Variants in PDE6D observed in about 807,000 individuals in gnomAD.
PDE6D encodes phosphodiesterase 6D, also known as retinal rod rhodopsin-sensitive cGMP 3',5'-cyclic phosphodiesterase subunit delta.
A neutral mutation model predicts 21.9 loss-of-function variants in PDE6D; 10 were observed. That is an observed-to-expected ratio of 0.46 (90% CI 0.28 to 0.78). The LOEUF (loss-of-function observed/expected upper bound fraction) is 0.78, where lower values mean the gene tolerates loss of function less well. PDE6D is among the 30% of genes least tolerant of loss of function. The pLI is 0.12. For synonymous variants in PDE6D, 59 were observed against 63.5 expected, an observed-to-expected ratio of 0.93 and a Z score of 0.34; for missense variants, 139 against 184.8, an observed-to-expected ratio of 0.75 and a Z score of 1.44.
intron 4 of PDE6D, among the ~76,000 whole-genome samples, chr2:231,735,058 T>C (rs1009882333): frequency 6.1e-5 from 9 of 148,624 alleles, no homozygotes; most frequent in African/African-American, 1.7e-4. Flanking sequence ...CTGGCTAACA[T>C]GGTGAAACCC....
At chr2:231,742,708 CCAAAGAAGAGAG>C (rs2048760143) in intron 1 of PDE6D, among the ~76,000 whole-genome samples, 1 of 151,870 alleles carries the variant, frequency 6.6e-6, no homozygotes, top group Non-Finnish European at 1.5e-5. Context: ...GACTCTCTTC[CCAAAGAAGAGAG>C]TCTCTACCTT....
intron 1 of PDE6D, among the ~76,000 whole-genome samples, chr2:231,760,515 G>A (rs2048917249): frequency 1.3e-5 from 2 of 152,168 alleles, no homozygotes; most frequent in South Asian, 4.1e-4. Context: ...AGCCAGTTAA[G>A]TGGTCAAGTT....
chr2:231,773,567 A>G (rs1251358906), intron 1 of PDE6D, among the ~76,000 whole-genome samples: 1 of 152,228 alleles, frequency 6.6e-6, no homozygotes, highest in Admixed American at 6.5e-5. Context: ...AAGTGAGTAA[A>G]TAGAAGATGT....
intron 1 of PDE6D, among the ~76,000 whole-genome samples, chr2:231,744,918 TA>T (rs2048781724): frequency 6.6e-6 from 1 of 152,206 alleles, no homozygotes; most frequent in African/African-American, 2.4e-5. Flanking sequence ...ACAAGTTTTG[TA>T]AGATTTTATC....
At chr2:231,780,055 A>T (rs111259300) in intron 1 of PDE6D, among the ~76,000 whole-genome samples, 1 of 152,234 alleles carries the variant, frequency 6.6e-6, no homozygotes, top group Non-Finnish European at 1.5e-5. Flanking sequence ...TAAAGTTGGC[A>T]GGAGAATGGA....
chr2:231,776,505 G>A (rs78688524), intron 1 of PDE6D, among the ~76,000 whole-genome samples: 2,023 of 151,910 alleles, frequency 0.013, 31 homozygotes, highest in Non-Finnish European at 0.018. Flanking sequence ...ACATTAGAAG[G>A]CTATATTAAA....
rs985358003 is a variant in PDE6D at position 231,739,635 on chromosome 2, C to G, written c.51-447G>C. ...TCAAATTGCTTTGTAGTGGCCCCCTCTGTTTTTTTTTTTTGAAACAGAGTC... is the reference window on the plus strand; with the variant it reads ...TCAAATTGCTTTGTAGTGGCCCCCTGTGTTTTTTTTTTTTGAAACAGAGTC... On this transcript the variant is annotated intron_variant, in intron 1 of 4. Transcript: ENST00000287600. The surrounding 1 kb of genome is among the most constrained non-coding windows in gnomAD (Gnocchi z 4.2). 5.3e-5 allele frequency among the ~76,000 whole-genome samples: 7 copies of G among 132,000 alleles called. No homozygotes were observed. Among genetic ancestry groups the G allele is most frequent in the Non-Finnish European group, 8.2e-5 (5 of 61,302 alleles). The allele number at this position is 132,000 out of a possible 152,430, so 86.6% of individuals were successfully genotyped here. A position where few individuals can be genotyped will look rare whatever the true frequency, so the allele number is the denominator to read the frequency against.
At chr2:231,733,947 T>C (rs1382197499) in intron 4 of PDE6D, among the ~76,000 whole-genome samples, 1 of 152,136 alleles carries the variant, frequency 6.6e-6, no homozygotes, top group African/African-American at 2.4e-5. Context: ...GCACGGTGGC[T>C]CATGCCTGTA....
In PDE6D at chr2:231,778,824, AT is replaced by A. The variant is rs569574359; in HGVS notation, c.50+2240del. On this transcript the variant is annotated intron_variant, in intron 1 of 4. Transcript: ENST00000287600. ...AGAATACCAATTAAAACAATGTATC[AT>A]TTGTTATCCAAACTGGCAAATAAAA... 2.0e-5 allele frequency: 3 copies of A among 152,320 alleles called. No individual in the cohort carries two copies. The South Asian group carries it at 6.2e-4, about 32-fold the overall frequency. The allele number at this position is 152,320 out of a possible 1,614,324, so 9.4% of individuals were successfully genotyped here.
chr2:231,780,993 C>T (rs1351667843), intron 1 of PDE6D, 72 bp downstream of exon 1: 18 of 1,369,320 alleles, frequency 1.3e-5, no homozygotes, highest in East Asian at 2.4e-5. Flanking sequence ...CGGCCCCCGC[C>T]CCCGGCCAGT....
chr2:231,736,320 T>C (rs868804309), intron 4 of PDE6D, among the ~76,000 whole-genome samples: 12 of 145,306 alleles, frequency 8.3e-5, no homozygotes, highest in Admixed American at 2.8e-4. Context: ...TGGGACTAAC[T>C]CTTTTTTTTT....
At chr2:231,765,861 TCTC>T (rs2106282135) in intron 1 of PDE6D, among the ~76,000 whole-genome samples, 2 of 152,294 alleles carry the variant, frequency 1.3e-5, no homozygotes, top group East Asian at 1.9e-4. Context: ...TCTCAAACTC[TCTC>T]CTCCTTGTTT....
At chr2:231,736,548 A>G (rs1047154149) in intron 4 of PDE6D, among the ~76,000 whole-genome samples, 1 of 152,356 alleles carries the variant, frequency 6.6e-6, no homozygotes, top group Admixed American at 6.5e-5. Flanking sequence ...AATGGGAGGT[A>G]GGAAGTTATT....
At chr2:231,772,394 T>C (rs572032744) in intron 1 of PDE6D, among the ~76,000 whole-genome samples, 9 of 152,348 alleles carry the variant, frequency 5.9e-5, no homozygotes, top group Admixed American at 2.0e-4. Flanking sequence ...TTTGTGGATA[T>C]TGGACTGTAA....
intron 1 of PDE6D, among the ~76,000 whole-genome samples, chr2:231,751,670 A>G (rs2048841123): frequency 6.6e-6 from 1 of 152,144 alleles, no homozygotes; most frequent in African/African-American, 2.4e-5. Context: ...ATATCCATAA[A>G]CTGGTATTTA....
At chr2:231,779,829 G>A (rs986020446) in intron 1 of PDE6D, among the ~76,000 whole-genome samples, 13 of 152,088 alleles carry the variant, frequency 8.5e-5, no homozygotes, top group African/African-American at 2.9e-4. Flanking sequence ...TTGCACTGTG[G>A]TCTAAAATGT....
At position 231,781,158 on chromosome 2, in the gene PDE6D, G is replaced by A; in HGVS notation, c.-44C>T. 2.5e-6 allele frequency: 4 copies of A among 1,598,660 alleles called. No individual in the cohort carries two copies. Among genetic ancestry groups the A allele is most frequent in the East Asian group, 2.2e-5 (1 of 44,660 alleles). On this transcript the variant is annotated 5_prime_UTR_variant, in exon 1 of 5. Coordinates refer to ENST00000287600, the MANE Select transcript of PDE6D (RefSeq NM_002601.4). ...CGCGGCTTTCTCACTCTGGTCGGCG[G>A]AGCCTCGCAGACGGTGCCCAGGAGC...
intron 1 of PDE6D, among the ~76,000 whole-genome samples, chr2:231,756,186 C>T (rs530398681): frequency 1.3e-5 from 2 of 152,140 alleles, no homozygotes; most frequent in Admixed American, 1.3e-4. Context: ...GGGGCAAGAA[C>T]AGAAGTTTTG....
chr2:231,751,220 A>T (rs1035442797), intron 1 of PDE6D, among the ~76,000 whole-genome samples: 1 of 152,052 alleles, frequency 6.6e-6, no homozygotes, highest in Non-Finnish European at 1.5e-5. Context: ...GCAGTGTTGC[A>T]ATCACTGCTC....
Sources: gnomAD v4.1 joint callset for allele counts (sites outside exome capture counted in the v4.1 genomes callset) on GRCh38, gnomAD v4.1.1 for gene constraint, Gnocchi (gnomAD v3.1) non-coding constraint, MANE v1.5 for transcripts, NCBI Gene and HGNC (gene_info 2026-07-23, HGNC 2026-07-21) for gene names.